Variants in JAK2 observed in about 807,000 individuals in gnomAD.
JAK2 encodes the protein Janus kinase 2, also known as tyrosine-protein kinase JAK2.
A neutral mutation model predicts 139.3 loss-of-function variants in JAK2; 86 were observed. That is an observed-to-expected ratio of 0.62 (90% CI 0.52 to 0.74). JAK2 has a LOEUF of 0.74. JAK2 is among the 30% of genes least tolerant of loss of function. The pLI, the probability that JAK2 is intolerant of heterozygous loss-of-function variation, is 0.00. For synonymous variants in JAK2, 490 were observed against 437.7 expected, an observed-to-expected ratio of 1.12 and a Z score of -1.49; for missense variants, 1,421 against 1,360.3, an observed-to-expected ratio of 1.04 and a Z score of -0.70.
At chr9:5,093,967 C>T (rs552525397) in intron 22 of JAK2, among the ~76,000 whole-genome samples, 5 of 152,124 alleles carry the variant, frequency 3.3e-5, no homozygotes, top group Non-Finnish European at 7.4e-5. Context: ...TGCCCTCCCC[C>T]CATAAATGAT....
At chr9:5,088,050 T>C (rs1401371080) in intron 19 of JAK2, among the ~76,000 whole-genome samples, 1 of 152,222 alleles carries the variant, frequency 6.6e-6, no homozygotes, top group Non-Finnish European at 1.5e-5. Context: ...TACTTTTGTT[T>C]TCTAAAATGT....
chr9:5,121,181 G>A (rs887717150), intron 22 of JAK2, among the ~76,000 whole-genome samples: 1 of 152,138 alleles, frequency 6.6e-6, no homozygotes, highest in Non-Finnish European at 1.5e-5. Flanking sequence ...CACAAAGATA[G>A]AAGGAAAACA....
Position 5,128,544 on chromosome 9 carries a change from G to T in JAK2, c.*1753G>T, listed in dbSNP as rs1007449025. Among the ~76,000 whole-genome samples the T allele has an allele frequency of 2.0e-5, 3 of 151,922 alleles. No individual in the cohort carries two copies. The highest frequency in any genetic ancestry group is 2.0e-4 in the Admixed American group (3 of 15,256). ...AACTTAACTACATACTTAAAAGTAGGTTCTTATCAAGGGTCTCTAACATTG... is the reference window on the plus strand; with the variant it reads ...AACTTAACTACATACTTAAAAGTAGTTTCTTATCAAGGGTCTCTAACATTG... On this transcript the variant is annotated 3_prime_UTR_variant, in exon 25 of 25. Coordinates refer to ENST00000381652, the MANE Select transcript of JAK2 (RefSeq NM_004972.4).
intron 15 of JAK2, among the ~76,000 whole-genome samples, chr9:5,077,804 C>A (rs1819410423): frequency 6.6e-6 from 1 of 152,164 alleles, no homozygotes; most frequent in South Asian, 2.1e-4. Flanking sequence ...CTTAGAACTA[C>A]TAATAGACAA....
Position 5,054,984 on chromosome 9 carries a change from C to G in JAK2, c.936+100C>G. 1 of 821,608 alleles carries G rather than the reference C, an allele frequency of 1.2e-6. No homozygotes were observed. The highest frequency in any genetic ancestry group is 1.9e-6 in the Non-Finnish European group (1 of 537,074). The allele number at this position is 821,608 out of a possible 1,614,324, so 50.9% of individuals were successfully genotyped here. A position where few individuals can be genotyped will look rare whatever the true frequency, so the allele number is the denominator to read the frequency against. ...ATTTGCAACATGGTATTGCACTTCT[C>G]CCATTTGATAGAAGTGGAAGTTTTT... On this transcript the variant is annotated intron_variant, in intron 7 of 24. Transcript: ENST00000381652. This position sits in a 1 kb window ranked among gnomAD's most constrained non-coding sequence, Gnocchi z 4.9.
rs542864485 is a variant in JAK2, at chr9:5,092,327, T to C, written c.3059+1416T>C. The stretch of plus-strand genomic sequence containing the variant: ...CCCTCCGCAAATATCATTCTAGAAA[T>C]ATTATTTAAATTCTCTATACATGAA... On this transcript the variant is annotated intron_variant, in intron 22 of 24. Coordinates refer to ENST00000381652, the MANE Select transcript of JAK2 (RefSeq NM_004972.4). Among the ~76,000 whole-genome samples the C allele has an allele frequency of 7.9e-5, 12 of 152,190 alleles. No homozygotes were observed. The South Asian group carries it at 2.1e-3, about 26-fold the overall frequency.
chr9:5,045,343 GAACAACA>G (rs1816927624), intron 5 of JAK2, among the ~76,000 whole-genome samples: 1 of 152,072 alleles, frequency 6.6e-6, no homozygotes, highest in Non-Finnish European at 1.5e-5. Context: ...TTCAGTTTAT[GAACAACA>G]AAAGGAAAAA....
Position 5,054,764 on chromosome 9 carries a change from A to T in JAK2, c.816A>T (p.Val272=). The change falls in exon 7 of 25, where the codon GTA becomes GTT. Residue 272 remains valine, a synonymous_variant. Transcript: ENST00000381652. The surrounding 1 kb of genome is among the most constrained non-coding windows in gnomAD (Gnocchi z 4.9). ...QSAFYTEKFE[V]KEPGSGPSGE... ...CCTTCTACACAGAGAAATTTGAAGTAAAAGAACCTGGAAGTGGTCCTTCAG... is the reference window on the plus strand; with the variant it reads ...CCTTCTACACAGAGAAATTTGAAGTTAAAGAACCTGGAAGTGGTCCTTCAG... The T allele has an allele frequency of 6.2e-7, 1 of 1,613,326 alleles. No individual in the cohort carries two copies. The highest frequency in any genetic ancestry group is 2.2e-5 in the East Asian group (1 of 44,860).
chr9:5,090,272 GT>G, intron 20 of JAK2, among the ~76,000 whole-genome samples, 173 bp from the exon 21 acceptor site: 1 of 152,198 alleles, frequency 6.6e-6, no homozygotes, highest in South Asian at 2.1e-4. Flanking sequence ...TCATTCAAAA[GT>G]TTTTGATTCA....
rs1210018015 is a variant in JAK2, at chr9:5,069,968, T to C, written c.1557T>C (p.Asp519=). The C allele has an allele frequency of 6.2e-7, 1 of 1,606,960 alleles. No homozygotes were observed. Among genetic ancestry groups the C allele is most frequent in the South Asian group, 1.1e-5 (1 of 90,466 alleles). The part of the protein sequence containing the change: ...LLVFRTNGVS[D]VPTSPTLQRP... ...TCTTCAGAACGAATGGTGTTTCTGA[T>C]GTACCAACCTCACCAACATTACAGA... Residue 519 remains aspartate, a synonymous_variant, in exon 12 of 25, where the codon GAT becomes GAC. Transcript: ENST00000381652.
In JAK2 at chr9:4,997,536, T is replaced by A. The variant is rs145872145; in HGVS notation, c.-26+11514T>A. Among the ~76,000 whole-genome samples the A allele has an allele frequency of 5.7e-3, 870 of 152,236 alleles. 9 individuals carry two copies. Among genetic ancestry groups the A allele is most frequent in the African/African-American group, 0.02 (833 of 41,544 alleles). On this transcript the variant is annotated intron_variant, in intron 2 of 24. Transcript: ENST00000381652. Reference sequence around the variant, plus strand: ...ACCAAGGGGGATGTTGCTAAACCATTCATGAGAAATCCACCCCCATGATCA... The same window carrying A: ...ACCAAGGGGGATGTTGCTAAACCATACATGAGAAATCCACCCCCATGATCA...
chr9:5,001,240 A>G (rs1352872184), intron 2 of JAK2, among the ~76,000 whole-genome samples: 1 of 152,152 alleles, frequency 6.6e-6, no homozygotes, highest in Non-Finnish European at 1.5e-5. Context: ...TTGAATAGAA[A>G]TGGTGGTGGT....
chr9:5,029,159 T>A (rs570688881), intron 3 of JAK2, among the ~76,000 whole-genome samples: 1 of 152,310 alleles, frequency 6.6e-6, no homozygotes, highest in Admixed American at 6.5e-5. Flanking sequence ...TTCCCTTGAA[T>A]GCCTAGAGGC....
At chr9:4,999,240 TC>T (rs746331989) in intron 2 of JAK2, among the ~76,000 whole-genome samples, 4 of 152,214 alleles carry the variant, frequency 2.6e-5, no homozygotes, top group African/African-American at 7.2e-5. Flanking sequence ...CTTAATCTTT[TC>T]TAAAGCCTAA....
chr9:5,049,938 CA>C (rs1817295151), intron 5 of JAK2, among the ~76,000 whole-genome samples: 1 of 152,040 alleles, frequency 6.6e-6, no homozygotes, highest in Admixed American at 6.6e-5. Context: ...AAAAAAGATA[CA>C]GTAAAAATGC....
At chr9:5,063,929 G>A (rs966574095) in intron 8 of JAK2, among the ~76,000 whole-genome samples, 3 of 152,218 alleles carry the variant, frequency 2.0e-5, no homozygotes, top group Non-Finnish European at 2.9e-5. Context: ...AGGCCAAGGC[G>A]GGCGGATCAT....
Position 5,090,527 on chromosome 9 carries a change from T to G in JAK2, c.2843T>G (p.Ile948Arg). The change falls in exon 21 of 25, where the codon ATA becomes AGA. Residue 948 changes from isoleucine to arginine, a missense_variant. Physicochemically the swap from Ile to Arg is moderately conservative, Grantham distance 97. Transcript: ENST00000381652. ...RDYLQKHKER[I>R]DHIKLLQYTS... ...TATCTTCAAAAACATAAAGAACGGA[T>G]AGATCACATAAAACTTCTGCAGTAC... 6.3e-7 allele frequency: 1 copy of G among 1,597,016 alleles called. No homozygotes were observed. The highest frequency in any genetic ancestry group is 8.5e-7 in the Non-Finnish European group (1 of 1,171,560).
chr9:5,006,733 C>G (rs985374062), intron 2 of JAK2, among the ~76,000 whole-genome samples: 3 of 152,210 alleles, frequency 2.0e-5, no homozygotes, highest in Admixed American at 6.5e-5. Flanking sequence ...AAATCCATCC[C>G]ATGACCCAGT....
intron 4 of JAK2, among the ~76,000 whole-genome samples, chr9:5,042,359 G>C (rs886340104): frequency 2.7e-5 from 4 of 150,578 alleles, no homozygotes; most frequent in Admixed American, 1.3e-4. Flanking sequence ...GGATGGTCTC[G>C]ATCTCCTGAC....
Sources: allele counts gnomAD v4.1 joint callset (sites outside exome capture counted in the v4.1 genomes callset), GRCh38; gene constraint gnomAD v4.1.1; non-coding constraint Gnocchi (gnomAD v3.1); transcripts MANE v1.5; gene names NCBI Gene and HGNC (gene_info 2026-07-23, HGNC 2026-07-21).